NELL1: variants seen among roughly 807,000 people sequenced by gnomAD.
NELL1 encodes neural EGFL like 1.
NELL1 carries 76 observed loss-of-function variants against 107.4 expected under a neutral mutation model. The observed-to-expected ratio is 0.71, with a 90% CI of 0.59 to 0.86. The LOEUF (loss-of-function observed/expected upper bound fraction) is 0.86, where lower values mean the gene tolerates loss of function less well. Ranked by LOEUF, NELL1 falls within the 40% of genes least tolerant of loss-of-function variation. The pLI is 0.00. For missense variants in NELL1, 1,024 were observed against 1,005.5 expected (o/e 1.02, Z -0.25); for synonymous variants, 353 against 341.2 (o/e 1.03, Z -0.38).
intron 2 of NELL1, among the ~76,000 whole-genome samples, chr11:20,725,995 T>C (rs1347005904): frequency 6.6e-6 from 1 of 152,124 alleles, no homozygotes. Flanking sequence ...GAACATGGAG[T>C]ATTTTGTTTT....
intron 12 of NELL1, among the ~76,000 whole-genome samples, chr11:21,029,460 C>G (rs910111727): frequency 1.3e-5 from 2 of 151,990 alleles, no homozygotes; most frequent in Admixed American, 1.3e-4. Context: ...ACATCTCCTC[C>G]TCTCCCTCAC....
intron 2 of NELL1, among the ~76,000 whole-genome samples, chr11:20,708,843 C>A (rs1855040825): frequency 6.6e-6 from 1 of 152,096 alleles, no homozygotes; most frequent in Non-Finnish European, 1.5e-5. Flanking sequence ...CACCAGGGAC[C>A]AGTTGCATGG....
At chr11:20,876,041 C>G (rs1849298495) in intron 4 of NELL1, among the ~76,000 whole-genome samples, 1 of 152,198 alleles carries the variant, frequency 6.6e-6, no homozygotes. Context: ...TTGAACACTT[C>G]TGACTTCTCA....
intron 3 of NELL1, among the ~76,000 whole-genome samples, chr11:20,820,111 AT>A (rs1857717690): frequency 6.6e-6 from 1 of 152,188 alleles, no homozygotes; most frequent in South Asian, 2.1e-4. Flanking sequence ...GTTAAGCAGC[AT>A]TTTTCAGTGA....
At chr11:21,416,853 T>A (rs930748704) in intron 15 of NELL1, among the ~76,000 whole-genome samples, 1 of 152,132 alleles carries the variant, frequency 6.6e-6, no homozygotes, top group East Asian at 1.9e-4. Flanking sequence ...CAATATTTAG[T>A]TGAGTCAGGA....
chr11:21,032,452 C>T (rs371351200), intron 12 of NELL1, among the ~76,000 whole-genome samples: 44 of 152,266 alleles, frequency 2.9e-4, no homozygotes, highest in Middle Eastern at 6.8e-3. Context: ...TGCAGTGGCA[C>T]GTCTCAGCTC....
At chr11:21,382,202 G>A (rs60091754) in intron 15 of NELL1, among the ~76,000 whole-genome samples, 4,457 of 151,750 alleles carry the variant, frequency 0.029, 151 homozygotes, top group African/African-American at 0.08. Context: ...ATGTGAATAG[G>A]GACAACCTCA....
At chr11:20,736,257 ACACT>A (rs1305060463) in intron 2 of NELL1, among the ~76,000 whole-genome samples, 3 of 152,212 alleles carry the variant, frequency 2.0e-5, no homozygotes, top group African/African-American at 2.4e-5. Flanking sequence ...TGCTCTCCAA[ACACT>A]CACGGTGGGC....
chr11:21,180,015 T>A (rs996247216), intron 13 of NELL1, among the ~76,000 whole-genome samples: 3 of 119,676 alleles, frequency 2.5e-5, no homozygotes, highest in African/African-American at 3.2e-5. Context: ...TGGCTGTAAT[T>A]CAATAAAACT....
At chr11:21,541,170 ATGT>A (rs985272545) in intron 16 of NELL1, among the ~76,000 whole-genome samples, 88 of 152,194 alleles carry the variant, frequency 5.8e-4, no homozygotes, top group Middle Eastern at 3.4e-3. Flanking sequence ...AAGAAAGCCC[ATGT>A]TGTTGCTGGA....
At chr11:20,749,443 T>TA (rs1163213390) in intron 2 of NELL1, among the ~76,000 whole-genome samples, 1 of 151,330 alleles carries the variant, frequency 6.6e-6, no homozygotes. Context: ...TACAAAACAT[T>TA]AAAAAAAATT....
chr11:21,532,276 C>G (rs1230095490), intron 15 of NELL1, among the ~76,000 whole-genome samples: 1 of 152,168 alleles, frequency 6.6e-6, no homozygotes, highest in Non-Finnish European at 1.5e-5. Context: ...GACTCCTGTG[C>G]TATACAGATA....
chr11:20,940,608 C>T (rs368414566), intron 10 of NELL1, among the ~76,000 whole-genome samples: 30 of 152,182 alleles, frequency 2.0e-4, no homozygotes, highest in East Asian at 1.5e-3. Flanking sequence ...GCCAGCTTCT[C>T]CCAGAATAAG....
At chr11:21,108,730 G>A (rs897366558) in intron 12 of NELL1, among the ~76,000 whole-genome samples, 7 of 152,074 alleles carry the variant, frequency 4.6e-5, no homozygotes, top group African/African-American at 1.4e-4. Flanking sequence ...CTGTTTTGGG[G>A]CCTTGGGTCA....
At chr11:21,092,922 G>C (rs1265496555) in intron 12 of NELL1, among the ~76,000 whole-genome samples, 2 of 152,062 alleles carry the variant, frequency 1.3e-5, no homozygotes, top group African/African-American at 4.8e-5. Context: ...AGAAATCTAG[G>C]TGAACAGACA....
chr11:21,184,904 A>G (rs1022465242), intron 13 of NELL1, among the ~76,000 whole-genome samples: 1 of 151,898 alleles, frequency 6.6e-6, no homozygotes, highest in East Asian at 1.9e-4. Flanking sequence ...TTGATATGCA[A>G]TGTAAATATG....
chr11:21,119,387 A>G (rs566263323), intron 13 of NELL1, among the ~76,000 whole-genome samples: 9 of 30,994 alleles, frequency 2.9e-4, no homozygotes, highest in African/African-American at 9.7e-4. Flanking sequence ...CTAAAAATTG[A>G]AAAAAAAAAA....
chr11:20,932,818 C>G (rs967735359), intron 9 of NELL1, among the ~76,000 whole-genome samples: 4 of 152,234 alleles, frequency 2.6e-5, no homozygotes, highest in Non-Finnish European at 2.9e-5. Context: ...AGAGAGATCT[C>G]TGTTACAATA....
At chr11:21,316,398 T>C (rs1020549242) in intron 14 of NELL1, among the ~76,000 whole-genome samples, 7 of 152,184 alleles carry the variant, frequency 4.6e-5, no homozygotes, top group Non-Finnish European at 8.8e-5. Flanking sequence ...TGAAAACACT[T>C]AAAAAGAAGG....
Sources: gnomAD v4.1 joint callset for allele counts (sites outside exome capture counted in the v4.1 genomes callset) on GRCh38, gnomAD v4.1.1 for gene constraint, MANE v1.5 for transcripts, NCBI Gene and HGNC (gene_info 2026-07-23, HGNC 2026-07-21) for gene names.